Variants in AK9 observed in about 807,000 individuals in gnomAD.
AK9 encodes the protein adenylate kinase domain containing 1.
In AK9, 191 loss-of-function variants were observed where a neutral mutation model predicts 239.6. The ratio of observed to expected loss-of-function variants is 0.80; its 90% CI spans 0.71 to 0.90. The LOEUF (loss-of-function observed/expected upper bound fraction) is 0.90, where lower values mean the gene tolerates loss of function less well. Among genes scored for constraint, AK9 ranks in the 40% least tolerant of loss-of-function variants. The pLI, the probability that AK9 is intolerant of heterozygous loss-of-function variation, is 0.00. For synonymous variants in AK9, 689 were observed against 721.0 expected, an observed-to-expected ratio of 0.96 and a Z score of 0.71; for missense variants, 1,995 against 2,214.7, an observed-to-expected ratio of 0.90 and a Z score of 1.99.
intron 17 of AK9, among the ~76,000 whole-genome samples, chr6:109,608,003 T>C (rs1793111821): frequency 6.6e-6 from 1 of 151,966 alleles, no homozygotes; most frequent in African/African-American, 2.4e-5. Flanking sequence ...GGGCCAGGCA[T>C]GGTGGATCAC....
chr6:109,620,744 C>T (rs982150732), intron 12 of AK9, among the ~76,000 whole-genome samples: 4 of 151,662 alleles, frequency 2.6e-5, no homozygotes, highest in African/African-American at 7.3e-5. Context: ...AATATGAATA[C>T]ATATGTATGG....
chr6:109,649,083 G>C (rs1166137390), intron 8 of AK9, among the ~76,000 whole-genome samples: 2 of 152,060 alleles, frequency 1.3e-5, no homozygotes, highest in African/African-American at 4.8e-5. Flanking sequence ...TTATTGATGG[G>C]ACATATCTCA....
chr6:109,514,357 A>G lies in AK9; in HGVS notation c.4146T>C (p.Tyr1382=). 1.9e-6 allele frequency: 3 copies of G among 1,551,274 alleles called. No individual in the cohort carries two copies. Among genetic ancestry groups the G allele is most frequent in the East Asian group, 2.4e-5 (1 of 40,904 alleles). ...IYPVIHRQYI[Y]FLSSKETKEK... ...CTTTTGTTTCTTTACTAGATAAAAA[A>G]TAAATATACTGACGATGGATTACAG... Residue 1382 remains tyrosine (Y), a synonymous_variant, in exon 32 of 41, where the codon TAT becomes TAC. Coordinates refer to ENST00000424296, the MANE Select transcript of AK9 (RefSeq NM_001145128.3).
chr6:109,595,236 C>T (rs1037475676), intron 17 of AK9, among the ~76,000 whole-genome samples: 19 of 152,256 alleles, frequency 1.2e-4, no homozygotes, highest in African/African-American at 4.6e-4. Flanking sequence ...ATTTATGCGG[C>T]CAACAAACAT....
At chr6:109,500,824 C>T (rs930846904) in intron 35 of AK9, among the ~76,000 whole-genome samples, 14 of 152,096 alleles carry the variant, frequency 9.2e-5, no homozygotes, top group Non-Finnish European at 1.9e-4. Flanking sequence ...TTAAGACCAG[C>T]TTGGGCAACA....
At chr6:109,549,378 C>A (rs1784016798) in intron 25 of AK9, among the ~76,000 whole-genome samples, 1 of 152,122 alleles carries the variant, frequency 6.6e-6, no homozygotes, top group Non-Finnish European at 1.5e-5. Context: ...CCCACTTATG[C>A]CTCTGAAAGT....
At chr6:109,663,381 A>G (rs573561460) in intron 5 of AK9, among the ~76,000 whole-genome samples, 1 of 152,332 alleles carries the variant, frequency 6.6e-6, no homozygotes, top group South Asian at 2.1e-4. Flanking sequence ...TTTTCTTGGA[A>G]GAACAACAGA....
chr6:109,645,192 C>T (rs537130497), intron 8 of AK9, among the ~76,000 whole-genome samples: 23 of 152,304 alleles, frequency 1.5e-4, no homozygotes, highest in African/African-American at 5.1e-4. Context: ...CTTGGTTCAT[C>T]TCAATGGGAC....
At chr6:109,626,995 T>G (rs967489233) in intron 12 of AK9, among the ~76,000 whole-genome samples, 12 of 152,268 alleles carry the variant, frequency 7.9e-5, no homozygotes, top group Middle Eastern at 3.4e-3. Flanking sequence ...GCTTTTTTAC[T>G]TTATAAACTT....
chr6:109,659,568 C>A (rs1261574540), intron 6 of AK9, among the ~76,000 whole-genome samples, 155 bp from the exon 7 acceptor site: 1 of 152,146 alleles, frequency 6.6e-6, no homozygotes, highest in Non-Finnish European at 1.5e-5. Flanking sequence ...CATCAGGTTT[C>A]ATTACATGCC....
intron 12 of AK9, among the ~76,000 whole-genome samples, chr6:109,625,247 A>T (rs1795378595): frequency 6.6e-6 from 1 of 151,958 alleles, no homozygotes; most frequent in Non-Finnish European, 1.5e-5. Context: ...CTTTGTGTTA[A>T]CTCATTTTTC....
At chr6:109,690,705 A>G (rs1774243971) in intron 1 of AK9, 1 of 152,262 alleles carries the variant, frequency 6.6e-6, no homozygotes, top group African/African-American at 2.4e-5. Flanking sequence ...ACTATGGAAG[A>G]GAGGGTACGC....
intron 5 of AK9, among the ~76,000 whole-genome samples, chr6:109,667,301 GT>G (rs11365456): frequency 0.59 from 87,120 of 147,794 alleles, 26,924 homozygotes; most frequent in South Asian, 0.84. Flanking sequence ...CACTCAAGTT[GT>G]TTTTTTTTTT....
chr6:109,512,125 C>T (rs62436117), intron 32 of AK9, among the ~76,000 whole-genome samples: 1 of 152,118 alleles, frequency 6.6e-6, no homozygotes, highest in Non-Finnish European at 1.5e-5. Context: ...AGATACAGGT[C>T]ATAAAGACCT....
Position 109,589,644 on chromosome 6 carries a change from T to G in AK9, c.1843-3572A>C, listed in dbSNP as rs542806250. Among the ~76,000 whole-genome samples, 13 of 152,268 alleles carry G rather than the reference T, an allele frequency of 8.5e-5. No individual in the cohort carries two copies. In the South Asian group the frequency reaches 2.5e-3, roughly 29 times the overall value. On this transcript the variant is annotated intron_variant, in intron 17 of 40. Transcript: ENST00000424296. ...GGTGAAACTGGGTATCCTTGTCTTG[T>G]TATTAGGGGGAATGCTTTTAACTTT...
At chr6:109,578,527 T>C (rs1788417737) in intron 20 of AK9, among the ~76,000 whole-genome samples, 1 of 152,292 alleles carries the variant, frequency 6.6e-6, no homozygotes, top group South Asian at 2.1e-4. Flanking sequence ...TTTTATTTAG[T>C]TCTGCTCTGA....
At chr6:109,607,745 C>T (rs1245354147) in intron 17 of AK9, among the ~76,000 whole-genome samples, 3 of 149,884 alleles carry the variant, frequency 2.0e-5, no homozygotes, top group African/African-American at 4.9e-5. Flanking sequence ...TACAATGCAA[C>T]CCGATCAAAA....
At chr6:109,656,728 C>CA (rs751295046) in intron 8 of AK9, 28 bp downstream of exon 8, 1 of 1,545,372 alleles carries the variant, frequency 6.5e-7, no homozygotes, top group Non-Finnish European at 8.9e-7. Context: ...TATCAATATT[C>CA]ATTTTCAGCA....
chr6:109,558,687 A>G (rs1785318928), intron 24 of AK9, among the ~76,000 whole-genome samples: 1 of 152,104 alleles, frequency 6.6e-6, no homozygotes, highest in African/African-American at 2.4e-5. Flanking sequence ...TTCTTTCTAA[A>G]ATTTGTTTTC....
Sources: allele counts gnomAD v4.1 joint callset (sites outside exome capture counted in the v4.1 genomes callset), GRCh38; gene constraint gnomAD v4.1.1; transcripts MANE v1.5; gene names NCBI Gene and HGNC (gene_info 2026-07-23, HGNC 2026-07-21).